TEK: variants seen among roughly 807,000 people sequenced by gnomAD.
The protein encoded by TEK is angiopoietin-1 receptor.
TEK carries 43 observed loss-of-function variants against 131.8 expected under a neutral mutation model. That is an observed-to-expected ratio of 0.33 (90% CI 0.26 to 0.42). TEK has a LOEUF of 0.42. TEK is among the 10% of genes least tolerant of loss of function. The pLI is 1.00. For synonymous variants in TEK, 580 were observed against 491.6 expected (o/e 1.18, Z -2.38); for missense variants, 1,162 against 1,384.4 (o/e 0.84, Z 2.55).
chr9:27,127,506 G>T (rs971444430), intron 1 of TEK, among the ~76,000 whole-genome samples: 3 of 152,188 alleles, frequency 2.0e-5, no homozygotes, highest in African/African-American at 7.2e-5. Context: ...GGATGGCTGG[G>T]TCAAATGGTA....
chr9:27,168,480 T>C lies in TEK; in HGVS notation c.365-15T>C, dbSNP rs747027472. ...GTGATCCCATTTTTGGTATTTGTTT[T>C]CTCTCTTTTAAAAGCTTCCTTCCTA... is the stretch of plus-strand genomic sequence containing the variant. On this transcript the variant is annotated splice_polypyrimidine_tract_variant and intron_variant, in intron 2 of 22. Coordinates refer to ENST00000380036, the MANE Select transcript of TEK (RefSeq NM_000459.5). The C allele has an allele frequency of 1.9e-6, 3 of 1,601,164 alleles. No homozygotes were observed. The highest frequency in any genetic ancestry group is 2.6e-6 in the Non-Finnish European group (3 of 1,168,524).
chr9:27,116,986 C>T (rs926290980), intron 1 of TEK, among the ~76,000 whole-genome samples: 15 of 151,640 alleles, frequency 9.9e-5, no homozygotes, highest in African/African-American at 3.2e-4. Context: ...CTCAGCCTCC[C>T]GAGTAGCTGG....
At chr9:27,172,026 A>G (rs980631565) in intron 4 of TEK, among the ~76,000 whole-genome samples, 4 of 152,182 alleles carry the variant, frequency 2.6e-5, no homozygotes, top group African/African-American at 9.7e-5. Context: ...AGATAGGAAA[A>G]CCAAAGTGTT....
In TEK at chr9:27,168,612, A is replaced by G; in HGVS notation, c.475+7A>G. 6 of 1,563,926 alleles carry G rather than the reference A, an allele frequency of 3.8e-6. No homozygotes were observed. Among genetic ancestry groups the G allele is most frequent in the East Asian group, 4.5e-5 (2 of 44,520 alleles). On this transcript the variant is annotated splice_region_variant and intron_variant, in intron 3 of 22. Coordinates refer to ENST00000380036, the MANE Select transcript of TEK (RefSeq NM_000459.5). ...GCAGTGATTTACAAAAATGGTGAGT[A>G]TGTGTTTCATTGCTTTCCCCAGTAT...
In TEK at chr9:27,123,931, C is replaced by G. The variant is rs555795829; in HGVS notation, c.52+14289C>G. Reference sequence around the variant, plus strand: ...AATTGGGATTACAGGTGCACACCACCACACCCGGCTAATTTTTGTATTTTT... The same window carrying G: ...AATTGGGATTACAGGTGCACACCACGACACCCGGCTAATTTTTGTATTTTT... On this transcript the variant is annotated intron_variant, in intron 1 of 22. Coordinates refer to ENST00000380036, the MANE Select transcript of TEK (RefSeq NM_000459.5). Among the ~76,000 whole-genome samples the G allele has an allele frequency of 2.6e-5, 4 of 152,318 alleles. No individual in the cohort carries two copies. In the East Asian group the frequency reaches 7.7e-4, roughly 29 times the overall value.
At chr9:27,169,690 G>A in intron 4 of TEK, 61 bp downstream of exon 4, 1 of 1,609,548 alleles carries the variant, frequency 6.2e-7, no homozygotes, top group Non-Finnish European at 8.5e-7. Context: ...AGGATTTTTA[G>A]TTGCAAATAA....
intron 13 of TEK, among the ~76,000 whole-genome samples, chr9:27,204,424 A>G (rs1464264441): frequency 6.6e-6 from 1 of 152,104 alleles, no homozygotes; most frequent in Non-Finnish European, 1.5e-5. Context: ...GGGTATCATT[A>G]GGTTTTCTTC....
At chr9:27,221,105 T>G (rs1826055332) in intron 21 of TEK, among the ~76,000 whole-genome samples, 1 of 152,194 alleles carries the variant, frequency 6.6e-6, no homozygotes, top group Admixed American at 6.5e-5. Context: ...CTGCCATTAC[T>G]GAGGCTTGAG....
intron 1 of TEK, among the ~76,000 whole-genome samples, chr9:27,116,049 C>T (rs1309677024): frequency 2.0e-5 from 3 of 152,096 alleles, no homozygotes; most frequent in African/African-American, 7.2e-5. Context: ...AGTTGGCTTC[C>T]TAACATTCCA....
At chr9:27,219,731 A>AAAAGGTTAATCTTATTGGTATAAT (rs144533443) in intron 20 of TEK, among the ~76,000 whole-genome samples, 26 of 136,586 alleles carry the variant, frequency 1.9e-4, no homozygotes, top group Middle Eastern at 7.5e-3. Context: ...CAATCAGAAA[A>AAAAGGTTAATCTTATTGGTATAAT]AAAGGTTAAT....
chr9:27,220,730 C>A lies in TEK; in HGVS notation c.3200+585C>A, dbSNP rs189608889. On this transcript the variant is annotated intron_variant, in intron 21 of 22. Transcript: ENST00000380036. ...TAGCGAAGGAGGGACGGTGCCATGA[C>A]GAATGGTGCATTCCAGCCCAGATAC... 3.3e-5 allele frequency among the ~76,000 whole-genome samples: 5 copies of A among 152,330 alleles called. No homozygotes were observed. In the South Asian group the frequency reaches 8.3e-4, roughly 25 times the overall value.
At chr9:27,184,495 G>A (rs1283980053) in intron 8 of TEK, among the ~76,000 whole-genome samples, 2 of 152,168 alleles carry the variant, frequency 1.3e-5, no homozygotes, top group Non-Finnish European at 2.9e-5. Flanking sequence ...TATGTAGAAT[G>A]TACCATTACT....
intron 2 of TEK, among the ~76,000 whole-genome samples, chr9:27,164,687 A>T (rs554509594): frequency 2.0e-5 from 3 of 152,108 alleles, no homozygotes; most frequent in African/African-American, 7.2e-5. Flanking sequence ...GTGCTACCAT[A>T]CCTAGCTAAT....
At chr9:27,113,377 T>C (rs1821422631) in intron 1 of TEK, among the ~76,000 whole-genome samples, 3 of 151,946 alleles carry the variant, frequency 2.0e-5, no homozygotes, top group African/African-American at 7.3e-5. Context: ...GATCATGAGG[T>C]CAAGAGATCA....
At position 27,203,295 on chromosome 9, in the gene TEK, G is replaced by A. The variant is rs147914840; in HGVS notation, c.2209+176G>A. Among the ~76,000 whole-genome samples the A allele has an allele frequency of 3.2e-3, 491 of 152,234 alleles. 2 individuals carry two copies. Among genetic ancestry groups the A allele is most frequent in the African/African-American group, 0.012 (481 of 41,544 alleles). On this transcript the variant is annotated intron_variant, in intron 13 of 22. Coordinates refer to ENST00000380036, the MANE Select transcript of TEK (RefSeq NM_000459.5). ...CTCTGAGAAGGATCCCTGTTGGTCC[G>A]TTTTCTATTATTGAACCTTAGAATA... is the stretch of plus-strand genomic sequence containing the variant.
At chr9:27,111,852 A>G (rs1564030399) in intron 1 of TEK, among the ~76,000 whole-genome samples, 1 of 151,736 alleles carries the variant, frequency 6.6e-6, no homozygotes, top group Non-Finnish European at 1.5e-5. Context: ...ATCTAATAGG[A>G]AGTCTCTAGT....
chr9:27,172,719 T>C lies in TEK; in HGVS notation c.732T>C (p.Pro244=). 6.2e-7 allele frequency: 1 copy of C among 1,613,662 alleles called. No individual in the cohort carries two copies. Among genetic ancestry groups the C allele is most frequent in the South Asian group, 1.1e-5 (1 of 91,076 alleles). ...HEDTGECICP[P]GFMGRTCEKA... is the part of the protein sequence containing the mutation. The stretch of plus-strand genomic sequence containing the variant: ...ATACTGGAGAATGCATTTGCCCTCC[T>C]GGGTTTATGGGAAGGACGTGTGAGA... Residue 244 remains proline, a synonymous_variant, in exon 5 of 23, where the codon CCT becomes CCC. Transcript: ENST00000380036.
chr9:27,229,546 C>G lies in TEK; in HGVS notation c.*314C>G, dbSNP rs7037246. ...TGAGTACAATTAGTATAATGCATAACTCATTGTTGTCCTAGATATTTTGAT... is the reference window on the plus strand; with the variant it reads ...TGAGTACAATTAGTATAATGCATAAGTCATTGTTGTCCTAGATATTTTGAT... On this transcript the variant is annotated 3_prime_UTR_variant, in exon 23 of 23. Coordinates refer to ENST00000380036, the MANE Select transcript of TEK (RefSeq NM_000459.5). The G allele has an allele frequency of 0.17, 63,348 of 372,934 alleles. 5,734 individuals carry two copies. The highest frequency in any genetic ancestry group is 0.23 in the Admixed American group (5,758 of 25,544). 23.1% of individuals were successfully genotyped at this position (372,934 alleles called of 1,614,324 possible).
At chr9:27,138,803 C>T (rs1822603912) in intron 1 of TEK, among the ~76,000 whole-genome samples, 1 of 152,044 alleles carries the variant, frequency 6.6e-6, no homozygotes, top group Non-Finnish European at 1.5e-5. Flanking sequence ...GAGTGGAGTA[C>T]AGGAATTGAG....
Sources: gnomAD v4.1 joint callset for allele counts (sites outside exome capture counted in the v4.1 genomes callset) on GRCh38, gnomAD v4.1.1 for gene constraint, MANE v1.5 for transcripts, NCBI Gene and HGNC (gene_info 2026-07-23, HGNC 2026-07-21) for gene names.